Variants in SP110 observed in about 807,000 individuals in gnomAD.
The protein encoded by SP110 is SP110 nuclear body protein.
A neutral mutation model predicts 92.7 loss-of-function variants in SP110; 62 were observed. That is an observed-to-expected ratio of 0.67 (90% confidence interval 0.55 to 0.83). SP110 has a LOEUF of 0.83. Ranked by LOEUF, SP110 falls within the 40% of genes least tolerant of loss-of-function variation. The probability of loss-of-function intolerance (pLI) is 0.00; values close to 1 mark genes in which losing one functional copy is unlikely to be tolerated. For synonymous variants in SP110, 273 were observed against 305.3 expected (o/e 0.89, Z 1.10); for missense variants, 793 against 863.9 (o/e 0.92, Z 1.03).
intron 8 of SP110, among the ~76,000 whole-genome samples, chr2:230,206,595 T>TATA (rs2043840701): frequency 2.8e-5 from 2 of 70,508 alleles, no homozygotes; most frequent in African/African-American, 4.8e-5. Context: ...GGTCCAGATT[T>TATA]TATATATATA....
intron 10 of SP110, among the ~76,000 whole-genome samples, chr2:230,195,846 ACAAAATTTAAATATACATAG>A (rs2042846302): frequency 6.6e-6 from 1 of 152,178 alleles, no homozygotes; most frequent in Non-Finnish European, 1.5e-5. Flanking sequence ...TAAAGCAAAA[ACAAAATTTAAATATACATAG>A]CATATAGAAG....
intron 12 of SP110, among the ~76,000 whole-genome samples, chr2:230,182,077 C>T (rs1012246159): frequency 3.3e-5 from 5 of 152,210 alleles, no homozygotes; most frequent in African/African-American, 1.2e-4. Context: ...GAATTATAGA[C>T]TGGATAAAGA....
chr2:230,220,633 G>A (rs1033583672), upstream of SP110, among the ~76,000 whole-genome samples: 10 of 152,140 alleles, frequency 6.6e-5, no homozygotes, highest in African/African-American at 2.4e-4. Context: ...AGTAACTCAA[G>A]GGCTGGCAGG....
chr2:230,170,599 G>A (rs1416267585), intron 18 of SP110, 22 bp downstream of exon 18: 2 of 1,614,030 alleles, frequency 1.2e-6, no homozygotes, highest in East Asian at 2.2e-5. Context: ...GACGCAAAAA[G>A]GAAGCAGGAA....
chr2:230,169,185 T>A lies in SP110; in HGVS notation c.2081A>T (p.Asp694Val). The A allele has an allele frequency of 6.2e-7, 1 of 1,614,042 alleles. No homozygotes were observed. ...GLDLEAEFEK[D>V]LKDVLGFHEA... ...ATGAAAACCGAGCACGTCTTTGAGA[T>A]CTTTTTCAAATTCTGCCTCTAAGTC... The change falls in exon 19 of 19, where the codon GAT (aspartate) becomes GTT (valine). Residue 694 changes from aspartate (D) to valine (V), a missense_variant. Transcript: ENST00000258381.
At chr2:230,173,208 C>T (rs1236069514) in intron 14 of SP110, 2 of 468,748 alleles carry the variant, frequency 4.3e-6, no homozygotes, top group African/African-American at 2.0e-5. Context: ...CCAACAGGTT[C>T]TGCTGCGTTT....
In SP110 at chr2:230,174,687, C is replaced by T. The variant is rs74489843; in HGVS notation, c.1591-1728G>A. Among the ~76,000 whole-genome samples, 59 of 152,396 alleles carry T rather than the reference C, an allele frequency of 3.9e-4. No individual in the cohort carries two copies. The East Asian group carries it at 0.01, about 27-fold the overall frequency. ...GTCTGTGGCTCTTTACACCAGCTGC[C>T]CATCATGTGTGGGTCATGGAGGCAG... On this transcript the variant is annotated intron_variant, in intron 14 of 18. Transcript: ENST00000258381.
At chr2:230,220,135 G>A, upstream of SP110, 4 of 962,586 alleles carry the variant, frequency 4.2e-6, no homozygotes, top group Non-Finnish European at 4.9e-6. Flanking sequence ...GGACGTCTTG[G>A]CAGTTGGGGT....
In SP110 at chr2:230,169,046, C is replaced by T. The variant is rs1450537856; in HGVS notation, c.*78G>A. 11 of 958,208 alleles carry T rather than the reference C, an allele frequency of 1.1e-5. No homozygotes were observed. Among genetic ancestry groups the T allele is most frequent in the African/African-American group, 3.2e-5 (2 of 62,448 alleles). 59.4% of individuals were successfully genotyped at this position (958,208 alleles called of 1,614,324 possible). On this transcript the variant is annotated 3_prime_UTR_variant, in exon 19 of 19. Transcript: ENST00000258381. ...GGCAGCCAATTACATCCCAGACTCACTGGCAATCAACAGTCCAAGCCAGGG... is the reference window on the plus strand; with the variant it reads ...GGCAGCCAATTACATCCCAGACTCATTGGCAATCAACAGTCCAAGCCAGGG...
chr2:230,193,450 T>C (rs2042726369), intron 10 of SP110, among the ~76,000 whole-genome samples: 2 of 152,250 alleles, frequency 1.3e-5, no homozygotes, highest in African/African-American at 4.8e-5. Flanking sequence ...TTTATAGACC[T>C]TGTGAGTTTT....
intron 12 of SP110, among the ~76,000 whole-genome samples, chr2:230,178,818 G>C (rs1391534402): frequency 3.3e-5 from 5 of 152,194 alleles, no homozygotes; most frequent in African/African-American, 9.7e-5. Context: ...GTTGCTCATG[G>C]AGCAGTCTGG....
At chr2:230,186,775 C>T (rs4973290) in intron 10 of SP110, among the ~76,000 whole-genome samples, 120,891 of 152,160 alleles carry the variant, frequency 0.79, 48,159 homozygotes, top group Admixed American at 0.84. Flanking sequence ...TCCATTCCAT[C>T]ACCTCACTTA....
intron 10 of SP110, among the ~76,000 whole-genome samples, chr2:230,192,206 T>G (rs1425459813): frequency 2.0e-5 from 3 of 150,496 alleles, no homozygotes; most frequent in African/African-American, 7.4e-5. Context: ...CTGGAAGCAT[T>G]CCCTTTGAAA....
At chr2:230,191,106 C>A (rs1418562410) in intron 10 of SP110, among the ~76,000 whole-genome samples, 2 of 151,836 alleles carry the variant, frequency 1.3e-5, no homozygotes, top group Admixed American at 1.3e-4. Context: ...AATGTAGAGA[C>A]AATATACCAG....
chr2:230,214,866 C>T, intron 3 of SP110, 84 bp downstream of exon 3: 1 of 1,122,062 alleles, frequency 8.9e-7, no homozygotes, highest in Non-Finnish European at 1.4e-6. Context: ...GATTAACGTG[C>T]ATATTCCACA....
chr2:230,182,473 A>G (rs1366860948), intron 12 of SP110, among the ~76,000 whole-genome samples: 3 of 152,128 alleles, frequency 2.0e-5, no homozygotes, highest in Admixed American at 6.6e-5. Context: ...AATATTTTTA[A>G]AAAAGGTGAG....
chr2:230,212,427 G>A lies in SP110; in HGVS notation c.587C>T (p.Thr196Ile), dbSNP rs200563506. 4.3e-5 allele frequency: 69 copies of A among 1,607,268 alleles called. No individual in the cohort carries two copies. The highest frequency in any genetic ancestry group is 5.4e-5 in the Non-Finnish European group (63 of 1,173,850). The change falls in exon 5 of 19, where the codon ACC (threonine) becomes ATC (isoleucine). Residue 196 changes from threonine to isoleucine, a missense_variant. By Grantham distance (89) the Thr-to-Ile change is moderately conservative (BLOSUM62 -1). Transcript: ENST00000258381. Reference sequence around the variant, plus strand: ...CATTTTGGATGTTAACTTGTCATTGGTCACTGAAGGAGGAAAGGAAATTAT... The same window carrying A: ...CATTTTGGATGTTAACTTGTCATTGATCACTGAAGGAGGAAAGGAAATTAT... Reference protein sequence around the residue: ...LIQEGRSTSVTNDKLTSKMNA... With the variant: ...LIQEGRSTSVINDKLTSKMNA...
chr2:230,208,379 C>T (rs1036873782), intron 7 of SP110, among the ~76,000 whole-genome samples: 2 of 152,148 alleles, frequency 1.3e-5, no homozygotes, highest in African/African-American at 4.8e-5. Context: ...AGCTGTGATA[C>T]ATGTAATGCA....
intron 11 of SP110, 125 bp from the exon 12 acceptor site, chr2:230,183,765 C>T: frequency 1.4e-6 from 1 of 727,054 alleles, no homozygotes; most frequent in South Asian, 1.5e-5. Flanking sequence ...ACATATGAGT[C>T]CTTATGAAAG....
Sources: allele counts gnomAD v4.1 joint callset (sites outside exome capture counted in the v4.1 genomes callset), GRCh38; gene constraint gnomAD v4.1.1; transcripts MANE v1.5; gene names NCBI Gene and HGNC (gene_info 2026-07-23, HGNC 2026-07-21).